Variants in TMC1 observed in about 807,000 individuals in gnomAD.
TMC1 encodes the protein transmembrane channel like 1.
In TMC1, 84 loss-of-function variants were observed where a neutral mutation model predicts 105.8. The ratio of observed to expected loss-of-function variants is 0.79; its 90% CI spans 0.67 to 0.95. The LOEUF (loss-of-function observed/expected upper bound fraction) is 0.95, where lower values mean the gene tolerates loss of function less well. Among genes scored for constraint, TMC1 ranks in the 40% least tolerant of loss-of-function variants. The pLI is 0.00. For missense variants in TMC1, 817 were observed against 914.1 expected (o/e 0.89, Z 1.37); for synonymous variants, 315 against 311.5 (o/e 1.01, Z -0.12).
intron 7 of TMC1, among the ~76,000 whole-genome samples, chr9:72,698,280 T>G (rs1263547627): frequency 6.6e-6 from 1 of 152,192 alleles, no homozygotes; most frequent in East Asian, 1.9e-4. Context: ...CAATAGGAAG[T>G]GTTATTTTAA....
Position 72,722,897 on chromosome 9 carries a change from A to G in TMC1, c.363-17222A>G, listed in dbSNP as rs574437086. ...TTAGAGCCAACTCACAAAATTCTTGAAAATTTCATAATCAGTGGTTTTGTG... is the reference window on the plus strand; with the variant it reads ...TTAGAGCCAACTCACAAAATTCTTGGAAATTTCATAATCAGTGGTTTTGTG... On this transcript the variant is annotated intron_variant, in intron 8 of 23. Coordinates refer to ENST00000297784, the MANE Select transcript of TMC1 (RefSeq NM_138691.3). Among the ~76,000 whole-genome samples, 11 of 152,308 alleles carry G rather than the reference A, an allele frequency of 7.2e-5. No individual in the cohort carries two copies. In the East Asian group the frequency reaches 2.1e-3, roughly 29 times the overall value.
chr9:72,600,269 T>C (rs1481108060), intron 2 of TMC1, among the ~76,000 whole-genome samples: 2 of 152,234 alleles, frequency 1.3e-5, no homozygotes, highest in East Asian at 1.9e-4. Flanking sequence ...TTACTGACTA[T>C]ACTCAAGCAA....
In TMC1 at chr9:72,694,567, A is replaced by G. The variant is rs367993839; in HGVS notation, c.89A>G (p.Asp30Gly). ...SSSEEEEEVEDKLPRRESLRP... is the reference protein window; with the variant it reads ...SSSEEEEEVEGKLPRRESLRP... ...GGTGAAGAGGAAGAGGAGGTGGAAGATAAGCTACCTCGAAGAGAGAGCTTG... is the reference window on the plus strand; with the variant it reads ...GGTGAAGAGGAAGAGGAGGTGGAAGGTAAGCTACCTCGAAGAGAGAGCTTG... Residue 30 changes from aspartate (D) to glycine (G), a missense_variant, in exon 7 of 24, where the codon GAT becomes GGT. Coordinates refer to ENST00000297784, the MANE Select transcript of TMC1 (RefSeq NM_138691.3). The G allele has an allele frequency of 1.2e-6, 2 of 1,612,742 alleles. No individual in the cohort carries two copies. The highest frequency in any genetic ancestry group is 1.3e-5 in the African/African-American group (1 of 74,866).
chr9:72,551,150 T>C (rs1298852463), intron 1 of TMC1, among the ~76,000 whole-genome samples: 1 of 152,178 alleles, frequency 6.6e-6, no homozygotes, highest in African/African-American at 2.4e-5. Context: ...GTAGAGGTTA[T>C]AAAAGAAGGG....
At chr9:72,823,852 A>T (rs77446608) in intron 20 of TMC1, among the ~76,000 whole-genome samples, 3,593 of 152,352 alleles carry the variant, frequency 0.024, 56 homozygotes, top group Middle Eastern at 0.051. Context: ...TGTTTATGCT[A>T]GAAAACCTAA....
At chr9:72,794,653 G>A (rs189541328) in intron 17 of TMC1, among the ~76,000 whole-genome samples, 41 of 152,214 alleles carry the variant, frequency 2.7e-4, no homozygotes, top group Middle Eastern at 6.8e-3. Flanking sequence ...GCAGTTAAAG[G>A]AACACCTACA....
intron 1 of TMC1, among the ~76,000 whole-genome samples, chr9:72,545,174 ACAC>A (rs1564400993): frequency 6.6e-6 from 1 of 151,410 alleles, no homozygotes; most frequent in African/African-American, 2.4e-5. Context: ...ATATACACAC[ACAC>A]ATTTATATGT....
intron 1 of TMC1, among the ~76,000 whole-genome samples, chr9:72,549,614 T>C (rs577243535): frequency 6.7e-6 from 1 of 149,896 alleles, no homozygotes; most frequent in African/African-American, 2.5e-5. Flanking sequence ...GGCTATTTTT[T>C]TTTTTTTTTT....
chr9:72,659,614 A>C (rs1235437509), intron 5 of TMC1, among the ~76,000 whole-genome samples: 1 of 152,242 alleles, frequency 6.6e-6, no homozygotes, highest in Non-Finnish European at 1.5e-5. Context: ...CGCCTGGGCA[A>C]CAGAGCAAGA....
intron 17 of TMC1, among the ~76,000 whole-genome samples, chr9:72,792,953 G>A (rs1360617622): frequency 6.6e-6 from 1 of 152,160 alleles, no homozygotes; most frequent in Non-Finnish European, 1.5e-5. Flanking sequence ...GTGACATGAA[G>A]CCAAGGGATC....
intron 8 of TMC1, among the ~76,000 whole-genome samples, chr9:72,739,603 A>G (rs929239140): frequency 2.6e-5 from 4 of 151,944 alleles, no homozygotes; most frequent in African/African-American, 7.2e-5. Flanking sequence ...TCTCAACCCC[A>G]TTTACTTTAC....
At chr9:72,771,656 A>C (rs1237100261) in intron 12 of TMC1, among the ~76,000 whole-genome samples, 1 of 152,234 alleles carries the variant, frequency 6.6e-6, no homozygotes, top group Non-Finnish European at 1.5e-5. Context: ...ATACAGTAAC[A>C]GTGCTTCAAT....
chr9:72,837,436 T>C lies in TMC1; in HGVS notation c.*1463T>C, dbSNP rs1431504095. The C allele has an allele frequency of 6.6e-6, 1 of 152,260 alleles. No homozygotes were observed. Among genetic ancestry groups the C allele is most frequent in the Non-Finnish European group, 1.5e-5 (1 of 68,080 alleles). The allele number at this position is 152,260 out of a possible 1,614,324, so 9.4% of individuals were successfully genotyped here. Reference sequence around the variant, plus strand: ...TGGGATGGGTGGTGGGGGGCCTCTCTTGCCCTGCTTATGTTTTTATGTTTG... The same window carrying C: ...TGGGATGGGTGGTGGGGGGCCTCTCCTGCCCTGCTTATGTTTTTATGTTTG... On this transcript the variant is annotated 3_prime_UTR_variant, in exon 24 of 24. Coordinates refer to ENST00000297784, the MANE Select transcript of TMC1 (RefSeq NM_138691.3).
chr9:72,760,151 A>G (rs2118084812), intron 12 of TMC1, among the ~76,000 whole-genome samples: 1 of 152,218 alleles, frequency 6.6e-6, no homozygotes, highest in African/African-American at 2.4e-5. Flanking sequence ...TGTTATTATT[A>G]ATTTTGCTTT....
chr9:72,612,500 C>T (rs768325678), intron 2 of TMC1, among the ~76,000 whole-genome samples: 1 of 151,416 alleles, frequency 6.6e-6, no homozygotes, highest in African/African-American at 2.4e-5. Context: ...TTGTAAAAAG[C>T]CAGGCAGTAA....
intron 17 of TMC1, among the ~76,000 whole-genome samples, chr9:72,796,572 G>A (rs1828374784): frequency 6.6e-6 from 1 of 152,072 alleles, no homozygotes; most frequent in African/African-American, 2.4e-5. Flanking sequence ...TTCAACATAT[G>A]CAAAACAATA....
chr9:72,768,844 C>A (rs1037463703), intron 12 of TMC1, among the ~76,000 whole-genome samples: 3 of 152,136 alleles, frequency 2.0e-5, no homozygotes, highest in African/African-American at 7.2e-5. Flanking sequence ...CCAAAATTGT[C>A]ATTATGAATT....
At chr9:72,579,208 T>G (rs1824436014) in intron 2 of TMC1, among the ~76,000 whole-genome samples, 1 of 152,246 alleles carries the variant, frequency 6.6e-6, no homozygotes, top group South Asian at 2.1e-4. Flanking sequence ...ACACTGATCC[T>G]TAATATACTC....
chr9:72,716,688 G>A (rs1826926192), intron 8 of TMC1, among the ~76,000 whole-genome samples: 1 of 152,192 alleles, frequency 6.6e-6, no homozygotes, highest in Admixed American at 6.5e-5. Flanking sequence ...GTGGATCTTA[G>A]CTTGCTGGGC....
Sources: allele counts gnomAD v4.1 joint callset (sites outside exome capture counted in the v4.1 genomes callset), GRCh38; gene constraint gnomAD v4.1.1; transcripts MANE v1.5; gene names NCBI Gene and HGNC (gene_info 2026-07-23, HGNC 2026-07-21).